Variants in SAP30BP observed in about 807,000 individuals in gnomAD.
SAP30BP encodes SAP30-binding protein.
Under a neutral mutation model 46.3 loss-of-function variants are expected in SAP30BP, and 31 were observed. That is an observed-to-expected ratio of 0.67 (90% confidence interval 0.50 to 0.90). The LOEUF (loss-of-function observed/expected upper bound fraction) is 0.90, where lower values mean the gene tolerates loss of function less well. Ranked by LOEUF, SAP30BP falls within the 40% of genes least tolerant of loss-of-function variation. The probability of loss-of-function intolerance (pLI) is 0.00; values close to 1 mark genes in which losing one functional copy is unlikely to be tolerated. For synonymous variants in SAP30BP, 169 were observed against 144.2 expected (o/e 1.17, Z -1.23); for missense variants, 312 against 391.0 (o/e 0.80, Z 1.70).
chr17:75,680,560 A>G (rs990954051), intron 3 of SAP30BP, among the ~76,000 whole-genome samples: 5 of 152,150 alleles, frequency 3.3e-5, no homozygotes, highest in Non-Finnish European at 7.3e-5. Flanking sequence ...CTGCGGCGTG[A>G]GAGAATGTAC....
At chr17:75,670,320 T>C (rs1468172295) in intron 2 of SAP30BP, among the ~76,000 whole-genome samples, 1 of 151,644 alleles carries the variant, frequency 6.6e-6, no homozygotes, top group Non-Finnish European at 1.5e-5. Flanking sequence ...AGACTCCATC[T>C]TAAAAAAAAA....
intron 1 of SAP30BP, 83 bp downstream of exon 1, chr17:75,667,561 A>G (rs1367019642): frequency 7.7e-7 from 1 of 1,300,900 alleles, no homozygotes; most frequent in East Asian, 2.3e-5. Flanking sequence ...AGGGAACAAG[A>G]TGGTCATTGT....
At chr17:75,705,897 A>T (rs961892545) in intron 9 of SAP30BP, 111 bp from the exon 10 acceptor site, 1 of 1,475,848 alleles carries the variant, frequency 6.8e-7, no homozygotes, top group Non-Finnish European at 9.2e-7. Flanking sequence ...TTCATTTCCA[A>T]TGCCTCTTTT....
At chr17:75,694,404 A>T (rs1425756070) in intron 4 of SAP30BP, among the ~76,000 whole-genome samples, 2 of 152,142 alleles carry the variant, frequency 1.3e-5, no homozygotes, top group Non-Finnish European at 2.9e-5. Flanking sequence ...TTGAAGAAGG[A>T]TTGGGTGGGA....
chr17:75,701,046 A>G (rs564299706), intron 5 of SAP30BP, among the ~76,000 whole-genome samples: 1 of 152,286 alleles, frequency 6.6e-6, no homozygotes, highest in Non-Finnish European at 1.5e-5. Flanking sequence ...CTTGGAGGAC[A>G]GAGGTTCTTC....
At chr17:75,684,739 G>A (rs1369221989) in intron 3 of SAP30BP, 2 of 152,202 alleles carry the variant, frequency 1.3e-5, no homozygotes, top group Non-Finnish European at 2.9e-5. Flanking sequence ...TGAGGTCTAG[G>A]GTTCTGGGGG....
At chr17:75,703,070 T>G (rs1400771561) in intron 6 of SAP30BP, 1 of 559,880 alleles carries the variant, frequency 1.8e-6, no homozygotes, top group Non-Finnish European at 3.2e-6. Context: ...AATCCAGCTG[T>G]GCAGACTGAA....
Position 75,706,806 on chromosome 17 carries a change from G to C in SAP30BP, c.*285G>C, listed in dbSNP as rs986399150. ...GGCCTCTCCTGCATTCTGTTTGCAG[G>C]CAAATGCTTCAGCTCACATGTCCCC... On this transcript the variant is annotated 3_prime_UTR_variant, in exon 11 of 11. Transcript: ENST00000584667. This position sits in a 1 kb window ranked among gnomAD's most constrained non-coding sequence, Gnocchi z 4.6. 4 of 461,080 alleles carry C rather than the reference G, an allele frequency of 8.7e-6. No homozygotes were observed. The highest frequency in any genetic ancestry group is 1.6e-5 in the Non-Finnish European group (4 of 254,854). 28.6% of individuals were successfully genotyped at this position (461,080 alleles called of 1,614,324 possible).
At chr17:75,675,387 T>G (rs745933716) in intron 3 of SAP30BP, among the ~76,000 whole-genome samples, 3 of 151,428 alleles carry the variant, frequency 2.0e-5, no homozygotes, top group South Asian at 4.2e-4. Context: ...CTGACCTCGT[T>G]ATCTGCCCAC....
chr17:75,678,936 G>T (rs2060033892), intron 3 of SAP30BP, among the ~76,000 whole-genome samples: 1 of 151,786 alleles, frequency 6.6e-6, no homozygotes, highest in African/African-American at 2.4e-5. Flanking sequence ...CCACAAGTGG[G>T]TTGAGCTGTT....
intron 4 of SAP30BP, among the ~76,000 whole-genome samples, chr17:75,694,023 C>G (rs1386814652): frequency 1.3e-5 from 2 of 152,150 alleles, no homozygotes; most frequent in Non-Finnish European, 2.9e-5. Context: ...CCTTTTAATC[C>G]TTTTAGAAAG....
At chr17:75,698,125 C>T (rs998539206) in intron 4 of SAP30BP, among the ~76,000 whole-genome samples, 9 of 152,236 alleles carry the variant, frequency 5.9e-5, no homozygotes, top group African/African-American at 2.2e-4. Flanking sequence ...TCCCAGCGAT[C>T]CAAAGCAGGA....
intron 3 of SAP30BP, among the ~76,000 whole-genome samples, chr17:75,688,756 T>G (rs1036495350): frequency 6.6e-6 from 1 of 152,200 alleles, no homozygotes; most frequent in Admixed American, 6.5e-5. Flanking sequence ...ACTTCCTTCC[T>G]GCGCTCCAGT....
At chr17:75,677,793 G>C (rs1204825625) in intron 3 of SAP30BP, among the ~76,000 whole-genome samples, 2 of 140,340 alleles carry the variant, frequency 1.4e-5, no homozygotes, top group Non-Finnish European at 3.0e-5. Flanking sequence ...AACGGCTACA[G>C]TTTGGTGCTG....
intron 9 of SAP30BP, chr17:75,705,477 G>A (rs2060481735): frequency 4.0e-6 from 1 of 249,718 alleles, no homozygotes; most frequent in Non-Finnish European, 6.5e-6. Flanking sequence ...TGGGCATGCT[G>A]GTGGCCCTCT....
Position 75,706,077 on chromosome 17 carries a change from A to G in SAP30BP, c.730A>G (p.Ser244Gly), listed in dbSNP as rs1029457747. ...CACGTCCACCACCACTACCACTGCC[A>G]GCACAGCTGTTGCAGGTAGATTGCA... ...NATSTTTTTA[S>G]TAVADAQKRK... is the part of the protein sequence containing the mutation. Residue 244 changes from serine (S) to glycine (G), a missense_variant, in exon 10 of 11, where the codon AGC (serine) becomes GGC (glycine). Ser to Gly is a moderately conservative substitution (Grantham distance 56). This residue lies in a region of SAP30BP where 296 missense variants were observed against 346.6 expected (regional missense o/e 0.85). Transcript: ENST00000584667. This position sits in a 1 kb window ranked among gnomAD's most constrained non-coding sequence, Gnocchi z 4.6. 1 of 1,613,070 alleles carries G rather than the reference A, an allele frequency of 6.2e-7. No homozygotes were observed. Among genetic ancestry groups the G allele is most frequent in the Non-Finnish European group, 8.5e-7 (1 of 1,179,648 alleles).
At chr17:75,676,320 A>G (rs1350727652) in intron 3 of SAP30BP, among the ~76,000 whole-genome samples, 1 of 152,208 alleles carries the variant, frequency 6.6e-6, no homozygotes, top group Non-Finnish European at 1.5e-5. Context: ...CACAGATCTA[A>G]ATGTTGACAC....
intron 3 of SAP30BP, among the ~76,000 whole-genome samples, chr17:75,691,176 G>A (rs1184914176): frequency 2.0e-5 from 3 of 152,068 alleles, no homozygotes; most frequent in Non-Finnish European, 4.4e-5. Flanking sequence ...AGTTGAGGGT[G>A]TACTCTGGGC....
chr17:75,674,699 T>G (rs553831876), intron 3 of SAP30BP, among the ~76,000 whole-genome samples: 1,172 of 45,376 alleles, frequency 0.026, 12 homozygotes, highest in African/African-American at 0.032. Context: ...TGTTTTTTGT[T>G]TTTTTTTTTT....
Sources: gnomAD v4.1 joint callset for allele counts (sites outside exome capture counted in the v4.1 genomes callset) on GRCh38, gnomAD v4.1.1 for gene constraint, gnomAD v4.1.1 regional missense constraint, Gnocchi (gnomAD v3.1) non-coding constraint, MANE v1.5 for transcripts, NCBI Gene and HGNC (gene_info 2026-07-23, HGNC 2026-07-21) for gene names.